The following ACOT7 variants were observed in gnomAD, a reference collection of about 807,000 sequenced individuals.
ACOT7 encodes acyl-CoA thioesterase 7, also known as cytosolic acyl coenzyme A thioester hydrolase.
In ACOT7, 12 loss-of-function variants were observed where a neutral mutation model predicts 40.2. The observed-to-expected ratio is 0.30, with a 90% CI of 0.19 to 0.48. ACOT7 has a LOEUF of 0.48. Among genes scored for constraint, ACOT7 ranks in the 20% least tolerant of loss-of-function variants. The probability of loss-of-function intolerance (pLI) is 0.99; values close to 1 mark genes in which losing one functional copy is unlikely to be tolerated. For synonymous variants in ACOT7, 228 were observed against 219.5 expected, an observed-to-expected ratio of 1.04 and a Z score of -0.34; for missense variants, 395 against 530.8, an observed-to-expected ratio of 0.74 and a Z score of 2.51.
In ACOT7 at chr1:6,281,093, C is replaced by A. The variant is rs375998082; in HGVS notation, c.1014+9G>T. On this transcript the variant is annotated intron_variant, in intron 8 of 8. Transcript: ENST00000361521. Reference sequence around the variant, plus strand: ...GGGAGGGGCCGCCGTTCCAAGGATGCGCACTCACCACCAGCTGGGGCACAG... The same window carrying A: ...GGGAGGGGCCGCCGTTCCAAGGATGAGCACTCACCACCAGCTGGGGCACAG... 1.8e-4 allele frequency: 288 copies of A among 1,611,756 alleles called. No individual in the cohort carries two copies. The highest frequency in any genetic ancestry group is 2.3e-4 in the Non-Finnish European group (274 of 1,179,732).
Position 6,352,034 on chromosome 1 carries a change from G to A in ACOT7, c.144-2168C>T, listed in dbSNP as rs986737561. Among the ~76,000 whole-genome samples, 2 of 152,122 alleles carry A rather than the reference G, an allele frequency of 1.3e-5. No homozygotes were observed. Among genetic ancestry groups the A allele is most frequent in the Non-Finnish European group, 2.9e-5 (2 of 68,030 alleles). ...AGACCGCACGCCAGCTGGCTACCAC[G>A]GGCCTGGCCGCCTTTCTTCGGCACC... On this transcript the variant is annotated intron_variant, in intron 1 of 8. Coordinates refer to ENST00000361521, the MANE Select transcript of ACOT7 (RefSeq NM_007274.4). This position sits in a 1 kb window ranked among gnomAD's most constrained non-coding sequence, Gnocchi z 4.5.
At chr1:6,276,954 T>C (rs1639210386) in intron 8 of ACOT7, among the ~76,000 whole-genome samples, 1 of 151,956 alleles carries the variant, frequency 6.6e-6, no homozygotes, top group Non-Finnish European at 1.5e-5. Flanking sequence ...CTGCAGCCCC[T>C]TCCCCCAGGG....
chr1:6,329,540 T>A (rs2148433491), intron 4 of ACOT7, among the ~76,000 whole-genome samples: 1 of 151,922 alleles, frequency 6.6e-6, no homozygotes, highest in South Asian at 2.1e-4. Context: ...CCTCATGGTA[T>A]CCAGTACATT....
intron 1 of ACOT7, chr1:6,360,808 A>G: frequency 1.4e-6 from 2 of 1,454,178 alleles, no homozygotes; most frequent in East Asian, 2.5e-5. Flanking sequence ...AGCTGGTCCC[A>G]GTCCAGGTGT....
chr1:6,268,675 C>T (rs975064569), intron 8 of ACOT7, among the ~76,000 whole-genome samples: 8 of 152,224 alleles, frequency 5.3e-5, no homozygotes, highest in African/African-American at 7.2e-5. Flanking sequence ...CCCACGCACG[C>T]GGCACGGCCC....
chr1:6,386,941 G>A (rs1380725426), intron 1 of ACOT7, among the ~76,000 whole-genome samples: 1 of 152,156 alleles, frequency 6.6e-6, no homozygotes, highest in East Asian at 1.9e-4. Flanking sequence ...AATAGCAAGT[G>A]ACTTCACGTT....
chr1:6,335,554 A>C (rs1163171179), intron 3 of ACOT7, among the ~76,000 whole-genome samples: 1 of 152,216 alleles, frequency 6.6e-6, no homozygotes, highest in Non-Finnish European at 1.5e-5. Flanking sequence ...GCAGAAGAGC[A>C]AACTGCAGGA....
At chr1:6,367,716 C>A (rs1437498585) in intron 1 of ACOT7, among the ~76,000 whole-genome samples, 1 of 152,206 alleles carries the variant, frequency 6.6e-6, no homozygotes, top group Non-Finnish European at 1.5e-5. Flanking sequence ...AGGGAGCTCC[C>A]AGGTCTGGAC....
In ACOT7 at chr1:6,337,624, C is replaced by G. The variant is rs188320089; in HGVS notation, c.418+1809G>C. Among the ~76,000 whole-genome samples, 137 of 152,238 alleles carry G rather than the reference C, an allele frequency of 9.0e-4. 1 individual carries two copies. The highest frequency in any genetic ancestry group is 3.0e-3 in the African/African-American group (124 of 41,538). ...TCTCTGCTGTGGGGACAGCGGGTCC[C>G]AGCCATGCTGAAAGCCTGAGAACGC... On this transcript the variant is annotated intron_variant, in intron 3 of 8. Transcript: ENST00000361521.
chr1:6,291,349 A>G (rs1639657946), intron 7 of ACOT7, among the ~76,000 whole-genome samples: 1 of 152,124 alleles, frequency 6.6e-6, no homozygotes, highest in Non-Finnish European at 1.5e-5. Context: ...GAGACAGACC[A>G]GAGTGACGCA....
intron 3 of ACOT7, among the ~76,000 whole-genome samples, chr1:6,334,683 G>C (rs1641051754): frequency 1.3e-5 from 2 of 152,246 alleles, no homozygotes. Context: ...GGGGCTGCAG[G>C]ACAGGGAAGG....
intron 8 of ACOT7, among the ~76,000 whole-genome samples, chr1:6,265,025 G>A (rs1028249860): frequency 2.0e-5 from 3 of 152,316 alleles, no homozygotes; most frequent in African/African-American, 2.4e-5. Flanking sequence ...GTGAAGTGCC[G>A]AGCCCTGTGA....
At chr1:6,343,510 T>C (rs796898602) in intron 2 of ACOT7, among the ~76,000 whole-genome samples, 72 of 152,386 alleles carry the variant, frequency 4.7e-4, no homozygotes, top group African/African-American at 1.7e-3. Context: ...TGCACGGGCT[T>C]GTCCCCCAGC....
In ACOT7 at chr1:6,281,319, C is replaced by T. The variant is rs779960902; in HGVS notation, c.830-33G>A. 54 of 1,589,314 alleles carry T rather than the reference C, an allele frequency of 3.4e-5. No homozygotes were observed. The South Asian group carries it at 4.4e-4, about 13-fold the overall frequency. ...GAAGGGAGGGCGGGGGTCAGGGCGG[C>T]CTCCACCCCACGGCTGGGCGGGGGA... On this transcript the variant is annotated intron_variant, in intron 7 of 8. Coordinates refer to ENST00000361521, the MANE Select transcript of ACOT7 (RefSeq NM_007274.4).
At chr1:6,369,425 GAGA>G (rs1463757018) in intron 1 of ACOT7, among the ~76,000 whole-genome samples, 1 of 86,532 alleles carries the variant, frequency 1.2e-5, no homozygotes, top group Non-Finnish European at 2.1e-5. Context: ...TTTTTTTGTA[GAGA>G]AGGAGGCTCA....
chr1:6,348,014 C>T (rs1557661944), intron 2 of ACOT7, among the ~76,000 whole-genome samples: 3 of 152,048 alleles, frequency 2.0e-5, no homozygotes, highest in Non-Finnish European at 4.4e-5. Context: ...TGCCAGGGAC[C>T]CTCACTGTCT....
In ACOT7 at chr1:6,306,804, C is replaced by G. The variant is rs890864845; in HGVS notation, c.712+11688G>C. The G allele has an allele frequency of 7.8e-6, 10 of 1,288,694 alleles. No individual in the cohort carries two copies. In the African/African-American group the frequency reaches 1.5e-4, roughly 20 times the overall value. 79.8% of individuals were successfully genotyped at this position (1,288,694 alleles called of 1,614,324 possible). A position where few individuals can be genotyped will look rare whatever the true frequency, so the allele number is the denominator to read the frequency against. On this transcript the variant is annotated intron_variant, in intron 6 of 8. Transcript: ENST00000361521. This position sits in a 1 kb window ranked among gnomAD's most constrained non-coding sequence, Gnocchi z 4.3. ...GTTGTGTCCCACGTAGCAGTGGGGGCTCCGGCCAAACAAGGTCACGGAATT... is the reference window on the plus strand; with the variant it reads ...GTTGTGTCCCACGTAGCAGTGGGGGGTCCGGCCAAACAAGGTCACGGAATT...
At chr1:6,383,946 C>T (rs1002638392) in intron 1 of ACOT7, among the ~76,000 whole-genome samples, 7 of 151,680 alleles carry the variant, frequency 4.6e-5, no homozygotes, top group Admixed American at 3.3e-4. Context: ...CCTCGTGATC[C>T]GCCCGCCTCG....
chr1:6,322,842 A>T (rs1299093080), intron 5 of ACOT7, among the ~76,000 whole-genome samples: 1 of 152,186 alleles, frequency 6.6e-6, no homozygotes, highest in African/African-American at 2.4e-5. Flanking sequence ...CTCGGAAATG[A>T]CACTGGGGCC....
Sources: gnomAD v4.1 joint callset for allele counts (sites outside exome capture counted in the v4.1 genomes callset) on GRCh38, gnomAD v4.1.1 for gene constraint, Gnocchi (gnomAD v3.1) non-coding constraint, MANE v1.5 for transcripts, NCBI Gene and HGNC (gene_info 2026-07-23, HGNC 2026-07-21) for gene names.